The following ZEB2 variants were observed in gnomAD, a reference collection of about 807,000 sequenced individuals.
The protein encoded by ZEB2 is zinc finger E-box-binding homeobox 2.
Under a neutral mutation model 99.9 loss-of-function variants are expected in ZEB2, and 6 were observed. That is an observed-to-expected ratio of 0.06 (90% CI 0.03 to 0.12). The LOEUF (loss-of-function observed/expected upper bound fraction) is 0.12. Among genes scored for constraint, ZEB2 ranks in the 10% least tolerant of loss-of-function variants. ZEB2 has a pLI of 1.00. For missense variants in ZEB2, 969 were observed against 1,502.8 expected, an observed-to-expected ratio of 0.64 and a Z score of 5.87; for synonymous variants, 517 against 542.5, an observed-to-expected ratio of 0.95 and a Z score of 0.65.
chr2:144,413,707 C>T (rs565895176), intron 4 of ZEB2, among the ~76,000 whole-genome samples: 12 of 152,292 alleles, frequency 7.9e-5, no homozygotes, highest in Non-Finnish European at 1.2e-4. Context: ...TGATTCCCTC[C>T]TTGTTAAGTA....
At chr2:144,438,017 C>A (rs1047869181) in intron 2 of ZEB2, among the ~76,000 whole-genome samples, 1 of 152,132 alleles carries the variant, frequency 6.6e-6, no homozygotes, top group African/African-American at 2.4e-5. Context: ...TGTAGTCCCA[C>A]GAAATTAAAC....
At chr2:144,517,065 C>T (rs1705162693) in intron 2 of ZEB2, among the ~76,000 whole-genome samples, 1 of 150,032 alleles carries the variant, frequency 6.7e-6, no homozygotes, top group Admixed American at 6.6e-5. Flanking sequence ...CCCCGGGTGC[C>T]TGACGCTCAC....
At position 144,398,949 on chromosome 2, in the gene ZEB2, T is replaced by C. The variant is rs776167520; in HGVS notation, c.2238A>G (p.Glu746=). 1.2e-6 allele frequency: 2 copies of C among 1,614,092 alleles called. No homozygotes were observed. The highest frequency in any genetic ancestry group is 2.2e-5 in the East Asian group (1 of 44,880). Residue 746 remains glutamate (E), a synonymous_variant, in exon 8 of 10, where the codon GAA becomes GAG. Transcript: ENST00000627532. Reference sequence around the variant, plus strand: ...CACAATTCGTAACACTGTTGTGGAGTTCTGCTATAGATGGTGATGTTATGG... The same window carrying C: ...CACAATTCGTAACACTGTTGTGGAGCTCTGCTATAGATGGTGATGTTATGG... ...MDSITSPSIA[E]LHNSVTNCDP... is the part of the protein sequence containing the mutation.
chr2:144,405,253 T>A (rs1294366812), intron 4 of ZEB2: 1 of 568,374 alleles, frequency 1.8e-6, no homozygotes, highest in Admixed American at 3.1e-5. Context: ...TTTTATTTTA[T>A]TTTTTCTTCC....
intron 3 of ZEB2, 168 bp from the exon 4 acceptor site, chr2:144,425,035 G>A: frequency 1.5e-6 from 1 of 666,258 alleles, no homozygotes; most frequent in South Asian, 1.8e-5. Context: ...ATCCAATAGT[G>A]CTAGCTGCAC....
rs567585288 is a variant in ZEB2 at position 144,481,248 on chromosome 2, C to T, written c.73+36030G>A. The stretch of plus-strand genomic sequence containing the variant: ...TGTCTACCACCTTCAGTAAATTAAT[C>T]CTCTATGTGCCCTGACCTCAAGTGT... On this transcript the variant is annotated intron_variant, in intron 2 of 9. Coordinates refer to ENST00000627532, the MANE Select transcript of ZEB2 (RefSeq NM_014795.4). 3.9e-5 allele frequency among the ~76,000 whole-genome samples: 6 copies of T among 152,268 alleles called. No homozygotes were observed. The South Asian group carries it at 1.2e-3, about 32-fold the overall frequency.
chr2:144,478,949 A>C (rs1704468869), intron 2 of ZEB2, among the ~76,000 whole-genome samples: 1 of 152,228 alleles, frequency 6.6e-6, no homozygotes, highest in Non-Finnish European at 1.5e-5. Flanking sequence ...ACCCAAAGGC[A>C]ACTTTGCTAC....
intron 2 of ZEB2, among the ~76,000 whole-genome samples, chr2:144,437,905 T>C (rs541779941): frequency 3.3e-5 from 5 of 152,308 alleles, no homozygotes; most frequent in South Asian, 2.1e-4. Flanking sequence ...AGAAAAACTA[T>C]AAAAATTTTC....
At chr2:144,393,917 T>C (rs1051908194) in intron 9 of ZEB2, among the ~76,000 whole-genome samples, 1 of 152,006 alleles carries the variant, frequency 6.6e-6, no homozygotes, top group Admixed American at 6.5e-5. Context: ...AGTTTGTTTG[T>C]TTATTTATTT....
At chr2:144,416,259 C>G (rs1279096524) in intron 4 of ZEB2, among the ~76,000 whole-genome samples, 1 of 152,208 alleles carries the variant, frequency 6.6e-6, no homozygotes, top group Non-Finnish European at 1.5e-5. Flanking sequence ...TTGAAATCAT[C>G]ACTTCCATCT....
chr2:144,405,610 T>TA (rs34653274), intron 4 of ZEB2, among the ~76,000 whole-genome samples: 463 of 143,168 alleles, frequency 3.2e-3, no homozygotes, highest in Middle Eastern at 7.1e-3. Context: ...GCAACTTTGT[T>TA]AAAAAAAAAA....
chr2:144,508,047 C>A (rs564828176), intron 2 of ZEB2, among the ~76,000 whole-genome samples: 7 of 152,284 alleles, frequency 4.6e-5, no homozygotes. Flanking sequence ...TAATTTTAAG[C>A]CTCCCTTTGA....
intron 2 of ZEB2, chr2:144,512,332 G>A (rs1285903157): frequency 3.1e-6 from 4 of 1,287,076 alleles, no homozygotes; most frequent in Admixed American, 2.3e-5. Flanking sequence ...CTGTTGCAAG[G>A]AAAAGAATCT....
intron 2 of ZEB2, chr2:144,513,768 C>T (rs1436652896): frequency 1.3e-6 from 2 of 1,535,920 alleles, no homozygotes; most frequent in Admixed American, 2.0e-5. Context: ...GGGCATCTCC[C>T]GCTCCGAGTG....
intron 2 of ZEB2, among the ~76,000 whole-genome samples, chr2:144,478,680 T>C (rs1384804984): frequency 2.6e-5 from 4 of 152,258 alleles, no homozygotes; most frequent in Admixed American, 2.6e-4. Context: ...AATGAAACTT[T>C]CTTTTTCTCT....
At chr2:144,429,063 T>C (rs1374699319) in intron 3 of ZEB2, 1 of 152,272 alleles carries the variant, frequency 6.6e-6, no homozygotes, top group East Asian at 1.9e-4. Context: ...CATAAGTGAA[T>C]TTTAGACCAA....
At position 144,513,881 on chromosome 2, in the gene ZEB2, G is replaced by C. The variant is rs1705087692; in HGVS notation, c.73+3397C>G. The C allele has an allele frequency of 2.6e-6, 4 of 1,521,072 alleles. No individual in the cohort carries two copies. In the South Asian group the frequency reaches 4.8e-5, roughly 18 times the overall value. The allele number at this position is 1,521,072 out of a possible 1,614,324, so 94.2% of individuals were successfully genotyped here. A position where few individuals can be genotyped will look rare whatever the true frequency, so the allele number is the denominator to read the frequency against. On this transcript the variant is annotated intron_variant, in intron 2 of 9. Coordinates refer to ENST00000627532, the MANE Select transcript of ZEB2 (RefSeq NM_014795.4). ...CCTCCTCTCCAGCGTCAGTGAAAGT[G>C]TTACAAAGTGAGTCAGGCGACTGAG...
intron 2 of ZEB2, among the ~76,000 whole-genome samples, chr2:144,436,960 T>G (rs1703847416): frequency 6.6e-6 from 1 of 152,212 alleles, no homozygotes; most frequent in Non-Finnish European, 1.5e-5. Flanking sequence ...CTGTTTATTT[T>G]TTTACAAAAG....
intron 2 of ZEB2, among the ~76,000 whole-genome samples, chr2:144,491,855 C>T (rs1704686004): frequency 6.6e-6 from 1 of 152,212 alleles, no homozygotes; most frequent in Non-Finnish European, 1.5e-5. Context: ...GCTTTATATA[C>T]TACCAACAGG....
Sources: gnomAD v4.1 joint callset for allele counts (sites outside exome capture counted in the v4.1 genomes callset) on GRCh38, gnomAD v4.1.1 for gene constraint, MANE v1.5 for transcripts, NCBI Gene and HGNC (gene_info 2026-07-23, HGNC 2026-07-21) for gene names.